PCDH9: variants seen among roughly 807,000 people sequenced by gnomAD.
PCDH9 encodes the protein protocadherin-9.
In PCDH9, 24 loss-of-function variants were observed where a neutral mutation model predicts 70.6. The ratio of observed to expected loss-of-function variants is 0.34; its 90% CI spans 0.25 to 0.48. The LOEUF (loss-of-function observed/expected upper bound fraction) is 0.48. PCDH9 is among the 20% of genes least tolerant of loss of function. PCDH9 has a pLI of 0.99. For synonymous variants in PCDH9, 562 were observed against 558.5 expected (o/e 1.01, Z -0.09); for missense variants, 1,281 against 1,503.6 (o/e 0.85, Z 2.45).
intron 4 of PCDH9, among the ~76,000 whole-genome samples, chr13:66,354,249 T>C (rs1459953079): frequency 6.6e-6 from 1 of 152,188 alleles, no homozygotes; most frequent in Non-Finnish European, 1.5e-5. Flanking sequence ...TGGAAGTTTC[T>C]TTGATATATT....
At chr13:66,656,881 C>T (rs766157407) in intron 3 of PCDH9, among the ~76,000 whole-genome samples, 22 of 152,104 alleles carry the variant, frequency 1.4e-4, no homozygotes, top group Admixed American at 3.3e-4. Flanking sequence ...GATTCCAAGA[C>T]GCTTGCTATT....
chr13:66,774,244 G>T (rs1424514007), intron 3 of PCDH9, among the ~76,000 whole-genome samples: 1 of 152,138 alleles, frequency 6.6e-6, no homozygotes, highest in African/African-American at 2.4e-5. Flanking sequence ...GCTATTAGGA[G>T]AGAGCCAACG....
intron 1 of PCDH9, among the ~76,000 whole-genome samples, chr13:67,229,232 A>G (rs1253110185): frequency 6.6e-6 from 1 of 152,218 alleles, no homozygotes; most frequent in African/African-American, 2.4e-5. Flanking sequence ...CTTTCTCCAT[A>G]TTGACAAATT....
intron 3 of PCDH9, among the ~76,000 whole-genome samples, chr13:66,733,695 C>T (rs1174728037): frequency 6.9e-6 from 1 of 144,544 alleles, no homozygotes; most frequent in Admixed American, 7.0e-5. Flanking sequence ...TTTTTTACGA[C>T]ATTAACACTT....
intron 4 of PCDH9, among the ~76,000 whole-genome samples, chr13:66,361,418 A>T (rs1403523721): frequency 6.6e-6 from 1 of 152,202 alleles, no homozygotes. Context: ...ACAATAATAC[A>T]GAAAGAGTAT....
intron 3 of PCDH9, among the ~76,000 whole-genome samples, chr13:66,709,028 G>A (rs1036344280): frequency 6.6e-6 from 1 of 152,166 alleles, no homozygotes; most frequent in Non-Finnish European, 1.5e-5. Context: ...AATTGAGATT[G>A]AAAGCTTTAG....
rs147987928 is a variant in PCDH9 at position 67,044,991 on chromosome 13, A to G, written c.3037-141386T>C. Among the ~76,000 whole-genome samples the G allele has an allele frequency of 3.1e-4, 47 of 152,352 alleles. No individual in the cohort carries two copies. The East Asian group carries it at 8.3e-3, about 27-fold the overall frequency. On this transcript the variant is annotated intron_variant, in intron 2 of 4. Coordinates refer to ENST00000377865, the MANE Select transcript of PCDH9 (RefSeq NM_203487.3). ...GAAGCAGAGATTGCACAAACATAGA[A>G]GACAGAAATGGAGCAAAGAAATGGA...
At chr13:66,777,637 G>A (rs2079919811) in intron 3 of PCDH9, among the ~76,000 whole-genome samples, 1 of 152,126 alleles carries the variant, frequency 6.6e-6, no homozygotes, top group Non-Finnish European at 1.5e-5. Flanking sequence ...AACAACAGGT[G>A]CTGGAGAGGA....
intron 2 of PCDH9, among the ~76,000 whole-genome samples, chr13:67,052,330 G>A (rs11617434): frequency 0.037 from 5,686 of 152,080 alleles, 178 homozygotes; most frequent in South Asian, 0.11. Context: ...AAGGGGAGAT[G>A]ATTTCAGGCA....
intron 4 of PCDH9, among the ~76,000 whole-genome samples, chr13:66,385,144 G>C (rs1428069282): frequency 6.6e-6 from 1 of 151,902 alleles, no homozygotes; most frequent in East Asian, 1.9e-4. Context: ...ATTTCATCTA[G>C]CATAATGTCC....
chr13:66,697,289 A>G (rs960798546), intron 3 of PCDH9, among the ~76,000 whole-genome samples: 1 of 152,032 alleles, frequency 6.6e-6, no homozygotes, highest in Non-Finnish European at 1.5e-5. Context: ...TCCCCCCCCA[A>G]AAAATATTGC....
At chr13:66,544,497 A>T (rs1566405599) in intron 4 of PCDH9, among the ~76,000 whole-genome samples, 1 of 152,204 alleles carries the variant, frequency 6.6e-6, no homozygotes, top group African/African-American at 2.4e-5. Context: ...CCAGGAAAGA[A>T]TTCAAGAAAG....
chr13:66,468,919 G>A (rs1002730633), intron 4 of PCDH9, among the ~76,000 whole-genome samples: 5 of 152,064 alleles, frequency 3.3e-5, no homozygotes, highest in African/African-American at 1.2e-4. Context: ...AGGAAATGAG[G>A]TTAGGAAATA....
intron 4 of PCDH9, among the ~76,000 whole-genome samples, chr13:66,421,912 C>A (rs147861665): frequency 0.016 from 2,473 of 152,180 alleles, 34 homozygotes; most frequent in Non-Finnish European, 0.029. Context: ...TTCAGGAGAC[C>A]CATCTCATGT....
chr13:66,882,307 T>C (rs2081935150), intron 3 of PCDH9, among the ~76,000 whole-genome samples: 1 of 152,176 alleles, frequency 6.6e-6, no homozygotes. Context: ...CCATAAATAA[T>C]ATTTATTTGT....
chr13:66,622,748 A>G (rs974844594), intron 4 of PCDH9, among the ~76,000 whole-genome samples: 2 of 152,168 alleles, frequency 1.3e-5, no homozygotes, highest in Non-Finnish European at 2.9e-5. Context: ...GGGCCAGATA[A>G]GAGAATAAAA....
At chr13:66,758,105 T>C (rs2079565169) in intron 3 of PCDH9, among the ~76,000 whole-genome samples, 1 of 152,116 alleles carries the variant, frequency 6.6e-6, no homozygotes, top group African/African-American at 2.4e-5. Context: ...AAATTGTATA[T>C]ATTTATTATG....
chr13:66,990,969 T>C (rs969931190), intron 2 of PCDH9: 1 of 151,994 alleles, frequency 6.6e-6, no homozygotes, highest in African/African-American at 2.4e-5. Flanking sequence ...GGTTTCCTTA[T>C]TATTGTTTAA....
chr13:67,006,693 G>T (rs1478642698), intron 2 of PCDH9, among the ~76,000 whole-genome samples: 1 of 152,052 alleles, frequency 6.6e-6, no homozygotes, highest in African/African-American at 2.4e-5. Context: ...CTCTTTGGGA[G>T]TACTTATTTG....
Sources: gnomAD v4.1 joint callset for allele counts (sites outside exome capture counted in the v4.1 genomes callset) on GRCh38, gnomAD v4.1.1 for gene constraint, MANE v1.5 for transcripts, NCBI Gene and HGNC (gene_info 2026-07-23, HGNC 2026-07-21) for gene names.